AGBL4: variants seen among roughly 807,000 people sequenced by gnomAD.
AGBL4 encodes cytosolic carboxypeptidase 6.
A neutral mutation model predicts 66.4 loss-of-function variants in AGBL4; 58 were observed. The ratio of observed to expected loss-of-function variants is 0.87; its 90% CI spans 0.71 to 1.09. AGBL4 has a LOEUF of 1.09. Among genes scored for constraint, AGBL4 ranks in the 50% least tolerant of loss-of-function variants. AGBL4 has a pLI of 0.00. For missense variants in AGBL4, 579 were observed against 631.0 expected (o/e 0.92, Z 0.88); for synonymous variants, 234 against 222.9 (o/e 1.05, Z -0.44).
At chr1:49,884,413 A>G (rs1647787476) in intron 1 of AGBL4, among the ~76,000 whole-genome samples, 1 of 151,894 alleles carries the variant, frequency 6.6e-6, no homozygotes, top group South Asian at 2.1e-4. Context: ...ACACCTGTAT[A>G]TTAAAGAAAA....
chr1:48,988,340 G>A (rs983195990), intron 5 of AGBL4, among the ~76,000 whole-genome samples: 9 of 152,154 alleles, frequency 5.9e-5, no homozygotes, highest in African/African-American at 2.2e-4. Flanking sequence ...TAATGAGTGG[G>A]GATTGTGTTT....
intron 4 of AGBL4, among the ~76,000 whole-genome samples, chr1:49,216,576 C>T (rs547675593): frequency 2.0e-5 from 3 of 152,264 alleles, no homozygotes; most frequent in African/African-American, 7.2e-5. Flanking sequence ...TGTTGCTGCA[C>T]AGGGCATGTG....
rs773878559 is a variant in AGBL4 at position 49,045,680 on chromosome 1, G to A, written c.498C>T (p.Cys166=). The A allele has an allele frequency of 2.1e-5, 33 of 1,571,670 alleles. No homozygotes were observed. The highest frequency in any genetic ancestry group is 2.8e-5 in the Non-Finnish European group (32 of 1,156,874). ...REEDIYQFAY[C]YPYTYTRFQH... is the part of the protein sequence containing the mutation. ...GGAAGCGAGTGTATGTATATGGGTA[G>A]CAGTAAGCAAACTGGTAAATATCTT... Residue 166 remains cysteine, a synonymous_variant, in exon 5 of 14, where the codon TGC becomes TGT. Coordinates refer to ENST00000371839, the MANE Select transcript of AGBL4 (RefSeq NM_032785.4).
chr1:48,835,216 C>T (rs1264513275), intron 6 of AGBL4, among the ~76,000 whole-genome samples: 1 of 152,074 alleles, frequency 6.6e-6, no homozygotes, highest in African/African-American at 2.4e-5. Flanking sequence ...AGTCAGTCTA[C>T]CCTGCCAAAA....
chr1:48,852,197 G>T (rs1217926675), intron 6 of AGBL4, among the ~76,000 whole-genome samples: 1 of 151,960 alleles, frequency 6.6e-6, no homozygotes, highest in Non-Finnish European at 1.5e-5. Context: ...TTTGAACCCT[G>T]GCCTAACTGA....
chr1:48,746,535 T>C (rs1182565167), intron 6 of AGBL4, among the ~76,000 whole-genome samples: 2 of 152,222 alleles, frequency 1.3e-5, no homozygotes, highest in Non-Finnish European at 2.9e-5. Context: ...AGAAAAACTA[T>C]TTTCTAAATT....
At chr1:49,259,418 T>C (rs371149203) in intron 3 of AGBL4, among the ~76,000 whole-genome samples, 12 of 151,988 alleles carry the variant, frequency 7.9e-5, no homozygotes, top group South Asian at 4.2e-4. Context: ...ACCCATCTCA[T>C]GTGCAGAGAC....
intron 3 of AGBL4, among the ~76,000 whole-genome samples, chr1:49,611,539 C>A (rs1307857074): frequency 2.6e-5 from 4 of 151,390 alleles, no homozygotes; most frequent in Non-Finnish European, 4.4e-5. Context: ...CCATGCCCAG[C>A]TAATTTTTTT....
chr1:49,949,180 CA>C (rs573761170), intron 1 of AGBL4, among the ~76,000 whole-genome samples: 1 of 150,900 alleles, frequency 6.6e-6, no homozygotes, highest in African/African-American at 2.4e-5. Flanking sequence ...TCATCTTATA[CA>C]AAAAAATCAT....
At chr1:49,710,848 G>C (rs1007298235) in intron 2 of AGBL4, among the ~76,000 whole-genome samples, 1 of 151,670 alleles carries the variant, frequency 6.6e-6, no homozygotes, top group Admixed American at 6.6e-5. Context: ...GAAAAAGAAC[G>C]TGTATCTTGA....
chr1:48,846,362 G>GAAGAAAGAAGAAAGA (rs1646910999), intron 6 of AGBL4, among the ~76,000 whole-genome samples: 1 of 118,594 alleles, frequency 8.4e-6, no homozygotes, highest in Non-Finnish European at 1.8e-5. Context: ...GAGAAAGAAA[G>GAAGAAAGAAGAAAGA]AAGAAAGAAA....
chr1:49,008,091 A>G (rs992446944), intron 5 of AGBL4, among the ~76,000 whole-genome samples: 2 of 152,182 alleles, frequency 1.3e-5, no homozygotes, highest in African/African-American at 4.8e-5. Context: ...CAAATTGGAT[A>G]AAGAGTCAAG....
At chr1:48,630,173 C>A (rs1570065966) in intron 9 of AGBL4, among the ~76,000 whole-genome samples, 1 of 152,158 alleles carries the variant, frequency 6.6e-6, no homozygotes, top group Non-Finnish European at 1.5e-5. Context: ...TGGTTAAACA[C>A]TTTGTTTTCA....
At chr1:48,873,267 G>A (rs957195145) in intron 5 of AGBL4, among the ~76,000 whole-genome samples, 8 of 152,226 alleles carry the variant, frequency 5.3e-5, no homozygotes, top group Non-Finnish European at 1.0e-4. Flanking sequence ...CAAATTTGCC[G>A]TGCTTTCGTC....
intron 11 of AGBL4, among the ~76,000 whole-genome samples, chr1:48,546,315 C>T (rs1438030403): frequency 6.6e-6 from 1 of 152,124 alleles, no homozygotes; most frequent in Non-Finnish European, 1.5e-5. Flanking sequence ...TATGTTGTTT[C>T]CTTTCTTGAG....
chr1:49,702,534 C>T (rs1458648257), intron 2 of AGBL4, among the ~76,000 whole-genome samples: 1 of 151,302 alleles, frequency 6.6e-6, no homozygotes, highest in Non-Finnish European at 1.5e-5. Context: ...AAACTCTTGC[C>T]AAAAAAAATT....
At chr1:49,161,830 T>C (rs513360) in intron 4 of AGBL4, among the ~76,000 whole-genome samples, 98,730 of 152,050 alleles carry the variant, frequency 0.65, 32,557 homozygotes, top group Middle Eastern at 0.73. Context: ...TACTCCCTGC[T>C]CAGAGCTTAG....
chr1:48,714,594 C>T (rs1218327517), intron 6 of AGBL4, among the ~76,000 whole-genome samples: 1 of 152,232 alleles, frequency 6.6e-6, no homozygotes, highest in Non-Finnish European at 1.5e-5. Context: ...TCCAGTCTCA[C>T]CCCTTCCCAT....
intron 2 of AGBL4, among the ~76,000 whole-genome samples, chr1:49,817,860 A>AAT (rs1205609943): frequency 6.6e-6 from 1 of 152,208 alleles, no homozygotes; most frequent in Non-Finnish European, 1.5e-5. Context: ...GAAAGAGATT[A>AAT]ATATCAATTC....
Sources: allele counts gnomAD v4.1 joint callset (sites outside exome capture counted in the v4.1 genomes callset), GRCh38; gene constraint gnomAD v4.1.1; transcripts MANE v1.5; gene names NCBI Gene and HGNC (gene_info 2026-07-23, HGNC 2026-07-21).